The following SGCD variants were observed in gnomAD, a reference collection of about 807,000 sequenced individuals.
The protein encoded by SGCD is sarcoglycan delta, also known as delta-sarcoglycan.
Under a neutral mutation model 36.6 loss-of-function variants are expected in SGCD, and 18 were observed. The observed-to-expected ratio is 0.49, with a 90% CI of 0.34 to 0.73. The LOEUF is 0.73. SGCD is among the 30% of genes least tolerant of loss of function. SGCD has a pLI of 0.01. For missense variants in SGCD, 387 were observed against 346.7 expected, an observed-to-expected ratio of 1.12 and a Z score of -0.92; for synonymous variants, 133 against 130.6, an observed-to-expected ratio of 1.02 and a Z score of -0.12.
intron 3 of SGCD, among the ~76,000 whole-genome samples, chr5:156,395,854 A>C (rs1771820770): frequency 6.6e-6 from 1 of 152,198 alleles, no homozygotes; most frequent in South Asian, 2.1e-4. Flanking sequence ...AAACTAAGTT[A>C]ATCTCTAGAG....
chr5:156,141,242 C>T (rs532256170), intron 3 of SGCD, among the ~76,000 whole-genome samples: 7 of 152,298 alleles, frequency 4.6e-5, no homozygotes, highest in African/African-American at 1.4e-4. Context: ...AAGGCAAGAG[C>T]GTCCCTACTA....
At chr5:156,717,467 C>T (rs1755279176) in intron 7 of SGCD, among the ~76,000 whole-genome samples, 1 of 152,196 alleles carries the variant, frequency 6.6e-6, no homozygotes, top group Non-Finnish European at 1.5e-5. Flanking sequence ...TTTGGATAAA[C>T]TTATCTGCAT....
At chr5:156,536,778 T>C (rs1758132993) in intron 4 of SGCD, among the ~76,000 whole-genome samples, 2 of 152,178 alleles carry the variant, frequency 1.3e-5, no homozygotes, top group Admixed American at 1.3e-4. Context: ...TTTAAACATT[T>C]CATCTAAAAC....
the SGCD span, among the ~76,000 whole-genome samples, chr5:155,745,647 T>C: frequency 6.6e-5 from 10 of 151,550 alleles, no homozygotes; most frequent in Non-Finnish European, 1.3e-4. Context: ...AAGTTGTGAG[T>C]AGAATATATA....
intron 3 of SGCD, among the ~76,000 whole-genome samples, chr5:156,476,482 G>A (rs769316126): frequency 6.6e-6 from 1 of 152,128 alleles, no homozygotes; most frequent in Non-Finnish European, 1.5e-5. Flanking sequence ...CCAAATTCTA[G>A]TACAGTCATT....
At chr5:156,110,036 C>T (rs1361764844) in intron 1 of SGCD, among the ~76,000 whole-genome samples, 1 of 152,164 alleles carries the variant, frequency 6.6e-6, no homozygotes, top group Non-Finnish European at 1.5e-5. Flanking sequence ...CTCACCTCTG[C>T]TTTGGGGGTC....
chr5:156,398,290 C>T (rs558475543), intron 3 of SGCD, among the ~76,000 whole-genome samples: 7 of 152,192 alleles, frequency 4.6e-5, no homozygotes, highest in Admixed American at 1.3e-4. Flanking sequence ...GTGGAAAACC[C>T]GGAATGAAGA....
chr5:156,620,464 T>G (rs2113495508), intron 6 of SGCD, among the ~76,000 whole-genome samples: 1 of 152,298 alleles, frequency 6.6e-6, no homozygotes, highest in South Asian at 2.1e-4. Context: ...TTTAAAAACT[T>G]GAACAAAATA....
chr5:156,466,798 A>C (rs983965817), intron 3 of SGCD, among the ~76,000 whole-genome samples: 1 of 152,224 alleles, frequency 6.6e-6, no homozygotes, highest in Non-Finnish European at 1.5e-5. Context: ...ATACCAAAAA[A>C]AGAACTTTCT....
intron 1 of SGCD, among the ~76,000 whole-genome samples, chr5:155,953,270 C>G (rs1168650257): frequency 3.3e-5 from 5 of 152,084 alleles, no homozygotes; most frequent in Admixed American, 3.3e-4. Flanking sequence ...TATTGAAGTT[C>G]TTAATTTCCC....
intron 7 of SGCD, among the ~76,000 whole-genome samples, chr5:156,732,041 G>T (rs1159400669): frequency 2.6e-5 from 4 of 152,034 alleles, no homozygotes; most frequent in African/African-American, 9.7e-5. Context: ...AGAAGCTTTT[G>T]GGCTAAGACC....
intron 5 of SGCD, 109 bp from the exon 6 acceptor site, chr5:156,594,823 G>A (rs1205137659): frequency 1.4e-6 from 1 of 701,740 alleles, no homozygotes; most frequent in Non-Finnish European, 2.4e-6. Context: ...TGTTAGATAT[G>A]TGTGTTCTAT....
At chr5:156,706,203 A>G (rs1697536404) in intron 7 of SGCD, among the ~76,000 whole-genome samples, 1 of 152,078 alleles carries the variant, frequency 6.6e-6, no homozygotes, top group Admixed American at 6.6e-5. Flanking sequence ...TAGATCACCC[A>G]TTCTTCTAGA....
chr5:155,842,809 A>G, the SGCD span, among the ~76,000 whole-genome samples: 26 of 114,202 alleles, frequency 2.3e-4, no homozygotes, highest in Non-Finnish European at 4.8e-4. Flanking sequence ...ATAACTGAAA[A>G]TTTTAAAAAA....
intron 6 of SGCD, among the ~76,000 whole-genome samples, chr5:156,598,591 A>G (rs1761035122): frequency 6.6e-6 from 1 of 151,878 alleles, no homozygotes; most frequent in Non-Finnish European, 1.5e-5. Context: ...CTGTAAAACA[A>G]AAATGCCTAG....
the SGCD span, among the ~76,000 whole-genome samples, chr5:155,849,440 G>A: frequency 2.1e-5 from 3 of 139,728 alleles, no homozygotes; most frequent in Non-Finnish European, 4.9e-5. Flanking sequence ...ACACACATGT[G>A]CGCGCGCACA....
At chr5:156,520,289 C>T (rs1293241584) in intron 4 of SGCD, among the ~76,000 whole-genome samples, 1 of 152,214 alleles carries the variant, frequency 6.6e-6, no homozygotes, top group African/African-American at 2.4e-5. Flanking sequence ...GAATAAAATA[C>T]CTAGGAATAC....
chr5:156,729,728 A>T (rs1225042885), intron 7 of SGCD, among the ~76,000 whole-genome samples: 1 of 152,208 alleles, frequency 6.6e-6, no homozygotes, highest in African/African-American at 2.4e-5. Context: ...AAAATGTGCA[A>T]TATTCTCGTT....
intron 4 of SGCD, among the ~76,000 whole-genome samples, chr5:156,565,466 A>G (rs952357091): frequency 4.6e-5 from 7 of 152,196 alleles, no homozygotes; most frequent in African/African-American, 1.7e-4. Flanking sequence ...ACCAAATTAC[A>G]TAAATCAAAG....
Sources: gnomAD v4.1 joint callset for allele counts (sites outside exome capture counted in the v4.1 genomes callset) on GRCh38, gnomAD v4.1.1 for gene constraint, MANE v1.5 for transcripts, NCBI Gene and HGNC (gene_info 2026-07-23, HGNC 2026-07-21) for gene names.